The following TPP2 variants were observed in gnomAD, a reference collection of about 807,000 sequenced individuals.
The protein encoded by TPP2 is tripeptidyl peptidase 2, also known as tripeptidyl-peptidase 2.
Under a neutral mutation model 155.9 loss-of-function variants are expected in TPP2, and 34 were observed. The observed-to-expected ratio is 0.22, with a 90% CI of 0.17 to 0.29. The LOEUF (loss-of-function observed/expected upper bound fraction) is 0.29. TPP2 is among the 10% of genes least tolerant of loss of function. TPP2 has a pLI of 1.00. For missense variants in TPP2, 1,028 were observed against 1,522.3 expected (o/e 0.68, Z 5.40); for synonymous variants, 510 against 529.4 (o/e 0.96, Z 0.50).
intron 27 of TPP2, among the ~76,000 whole-genome samples, chr13:102,671,083 A>G (rs1174854205): frequency 6.6e-6 from 1 of 152,208 alleles, no homozygotes; most frequent in Non-Finnish European, 1.5e-5. Context: ...TTCCAATGAA[A>G]TTGGCGAGCT....
rs533558599 is a variant in TPP2 at position 102,654,870 on chromosome 13, C to T, written c.2992-2186C>T. 3 of 442,494 alleles carry T rather than the reference C, an allele frequency of 6.8e-6. No homozygotes were observed. The East Asian group carries it at 2.1e-4, about 31-fold the overall frequency. The allele number at this position is 442,494 out of a possible 1,614,324, so 27.4% of individuals were successfully genotyped here. On this transcript the variant is annotated intron_variant, in intron 24 of 29. Transcript: ENST00000376052. ...GTAGAAGATCAGCTCAGATTTTGCG[C>T]TTACCTTGGCTTTGCTCAGGGCAGT...
chr13:102,642,676 G>A (rs1882845834), intron 16 of TPP2, among the ~76,000 whole-genome samples: 1 of 152,136 alleles, frequency 6.6e-6, no homozygotes, highest in African/African-American at 2.4e-5. Flanking sequence ...TGGCATTGCG[G>A]TGATCTTGGC....
At chr13:102,637,812 G>A (rs1165827176) in intron 14 of TPP2, among the ~76,000 whole-genome samples, 5 of 152,060 alleles carry the variant, frequency 3.3e-5, no homozygotes, top group African/African-American at 9.7e-5. Context: ...TGGCCTCCCA[G>A]GGCTTTGGGA....
chr13:102,666,172 T>C (rs971465382), intron 27 of TPP2, among the ~76,000 whole-genome samples: 5 of 152,208 alleles, frequency 3.3e-5, no homozygotes, highest in Non-Finnish European at 5.9e-5. Context: ...TGTATCCCCC[T>C]TTTAAGGAAG....
chr13:102,633,973 G>A lies in TPP2; in HGVS notation c.1268G>A (p.Ser423Asn). The A allele has an allele frequency of 6.2e-7, 1 of 1,614,084 alleles. No individual in the cohort carries two copies. Residue 423 changes from serine (S) to asparagine (N), a missense_variant, in exon 11 of 30, where the codon AGT becomes AAT. Ser to Asn is a conservative substitution (Grantham distance 46). Coordinates refer to ENST00000376052, the MANE Select transcript of TPP2 (RefSeq NM_001330588.2). ...GPSADGALGV[S>N]ISAPGGAIAS... ...AGTGCTGACGGGGCCCTTGGTGTGA[G>A]TATCAGTGCGCCAGGAGGAGCCATT...
At chr13:102,670,925 A>G (rs1884935497) in intron 27 of TPP2, among the ~76,000 whole-genome samples, 1 of 152,234 alleles carries the variant, frequency 6.6e-6, no homozygotes, top group Non-Finnish European at 1.5e-5. Context: ...CGACAGAGGC[A>G]TATAGACTTA....
chr13:102,644,939 G>A lies in TPP2; in HGVS notation c.2323G>A (p.Val775Ile). ...HASEGINRFD[V>I]QSSLKYEDLA... ...ATCGGAAGGAATCAACCGCTTTGAT[G>A]TTCAGTCCTCCTTGAAATACGAAGA... The change falls in exon 19 of 30, where the codon GTT becomes ATT. Residue 775 changes from valine to isoleucine, a missense_variant. Val to Ile is a conservative substitution (Grantham distance 29). Coordinates refer to ENST00000376052, the MANE Select transcript of TPP2 (RefSeq NM_001330588.2). 5 of 1,614,046 alleles carry A rather than the reference G, an allele frequency of 3.1e-6. No homozygotes were observed. The highest frequency in any genetic ancestry group is 4.2e-6 in the Non-Finnish European group (5 of 1,179,948).
chr13:102,651,736 A>AT (rs1566358520), intron 24 of TPP2, among the ~76,000 whole-genome samples: 16 of 92,624 alleles, frequency 1.7e-4, no homozygotes, highest in Middle Eastern at 5.2e-3. Flanking sequence ...TGGATGTGAT[A>AT]ATTTTTTTTT....
At position 102,614,334 on chromosome 13, in the gene TPP2, C is replaced by A. The variant is rs1259691781; in HGVS notation, c.390+138C>A. 8 of 644,894 alleles carry A rather than the reference C, an allele frequency of 1.2e-5. No individual in the cohort carries two copies. The Admixed American group carries it at 2.4e-4, about 19-fold the overall frequency. The allele number at this position is 644,894 out of a possible 1,614,324, so 39.9% of individuals were successfully genotyped here. On this transcript the variant is annotated intron_variant, in intron 3 of 29. Transcript: ENST00000376052. ...TTTTGGGTGGTTGGTGGCTTTCAAA[C>A]AATGACTGCTTAAAGATTCTGCTCA...
At chr13:102,666,766 C>CTTTTT in intron 27 of TPP2, among the ~76,000 whole-genome samples, 81 of 55,732 alleles carry the variant, frequency 1.5e-3, no homozygotes, top group East Asian at 8.9e-3. Flanking sequence ...TTTTTAATCT[C>CTTTTT]TTTTTTTTTT....
chr13:102,642,297 C>G (rs1283413239), intron 16 of TPP2, among the ~76,000 whole-genome samples: 2 of 151,952 alleles, frequency 1.3e-5, no homozygotes, highest in Admixed American at 1.3e-4. Context: ...TTGTAGAGCT[C>G]CAGGCTCTGG....
At chr13:102,667,878 A>T (rs1039600211) in intron 27 of TPP2, 17 of 957,116 alleles carry the variant, frequency 1.8e-5, no homozygotes, top group Non-Finnish European at 2.1e-5. Context: ...GAGTGCTCAG[A>T]CACAGGTATC....
At chr13:102,621,102 A>C (rs747381805) in intron 5 of TPP2, among the ~76,000 whole-genome samples, 1 of 152,200 alleles carries the variant, frequency 6.6e-6, no homozygotes, top group Non-Finnish European at 1.5e-5. Flanking sequence ...CTTGCACCAC[A>C]TTCATACTTG....
intron 6 of TPP2, among the ~76,000 whole-genome samples, chr13:102,624,469 C>T (rs1024270683): frequency 6.6e-6 from 1 of 152,148 alleles, no homozygotes; most frequent in African/African-American, 2.4e-5. Flanking sequence ...AATGAACATA[C>T]TCATTACCCC....
intron 25 of TPP2, among the ~76,000 whole-genome samples, chr13:102,661,828 A>G (rs1490265153): frequency 2.0e-5 from 3 of 152,222 alleles, no homozygotes; most frequent in South Asian, 2.1e-4. Flanking sequence ...GATGGTAAGA[A>G]TACAAAAATG....
chr13:102,674,224 G>T, intron 27 of TPP2, 59 bp from the exon 28 acceptor site: 1 of 1,519,512 alleles, frequency 6.6e-7, no homozygotes, highest in Non-Finnish European at 8.9e-7. Context: ...ATTCAGATAA[G>T]AATTTACTTT....
chr13:102,635,738 A>G lies in TPP2; in HGVS notation c.1509+36A>G, dbSNP rs1192297249. 2.8e-6 allele frequency: 4 copies of G among 1,431,074 alleles called. No individual in the cohort carries two copies. The African/African-American group carries it at 4.2e-5, about 15-fold the overall frequency. The allele number at this position is 1,431,074 out of a possible 1,614,324, so 88.6% of individuals were successfully genotyped here. A position where few individuals can be genotyped will look rare whatever the true frequency, so the allele number is the denominator to read the frequency against. On this transcript the variant is annotated intron_variant, in intron 12 of 29. Transcript: ENST00000376052. ...CTATATGAAAAATGGGTTGTAAAGCATCATTGAGATAATATCTTAGATATT... is the reference window on the plus strand; with the variant it reads ...CTATATGAAAAATGGGTTGTAAAGCGTCATTGAGATAATATCTTAGATATT...
rs750183403 is a variant in TPP2 at position 102,643,420 on chromosome 13, CT to C, written c.2175+49del. On this transcript the variant is annotated intron_variant, in intron 17 of 29. Coordinates refer to ENST00000376052, the MANE Select transcript of TPP2 (RefSeq NM_001330588.2). The stretch of plus-strand genomic sequence containing the variant: ...TATAATCCTAACACAATTTATTTGC[CT>C]TTTTGGTATGGGCTAAGACTAAGTA... The C allele has an allele frequency of 2.4e-4, 363 of 1,523,260 alleles. 2 individuals carry two copies. In the Middle Eastern group the frequency reaches 3.0e-3, roughly 13 times the overall value. 94.4% of individuals were successfully genotyped at this position (1,523,260 alleles called of 1,614,324 possible).
chr13:102,601,407 C>T (rs545663872), intron 1 of TPP2, among the ~76,000 whole-genome samples: 4 of 152,236 alleles, frequency 2.6e-5, no homozygotes, highest in Admixed American at 2.0e-4. Flanking sequence ...TGTTCTGGTC[C>T]TCTCTGCAAA....
Sources: allele counts gnomAD v4.1 joint callset (sites outside exome capture counted in the v4.1 genomes callset), GRCh38; gene constraint gnomAD v4.1.1; transcripts MANE v1.5; gene names NCBI Gene and HGNC (gene_info 2026-07-23, HGNC 2026-07-21).